Variants in NT5C3A observed in about 807,000 individuals in gnomAD.
NT5C3A encodes the protein cytosolic 5'-nucleotidase 3A.
NT5C3A carries 23 observed loss-of-function variants against 40.0 expected under a neutral mutation model. The ratio of observed to expected loss-of-function variants is 0.58; its 90% CI spans 0.41 to 0.81. NT5C3A has a LOEUF of 0.81. Among genes scored for constraint, NT5C3A ranks in the 40% least tolerant of loss-of-function variants. The pLI is 0.00. For missense variants in NT5C3A, 328 were observed against 403.0 expected, an observed-to-expected ratio of 0.81 and a Z score of 1.59; for synonymous variants, 130 against 141.4, an observed-to-expected ratio of 0.92 and a Z score of 0.57.
chr7:33,029,263 T>C (rs1786115334), intron 1 of NT5C3A: 1 of 170,608 alleles, frequency 5.9e-6, no homozygotes, highest in African/African-American at 2.4e-5. Context: ...TTTCATACAT[T>C]AACCCATTCA....
intron 5 of NT5C3A, among the ~76,000 whole-genome samples, chr7:33,020,407 T>C (rs1364152578): frequency 1.3e-5 from 2 of 152,198 alleles, no homozygotes; most frequent in African/African-American, 4.8e-5. Context: ...GTAAGCTCAT[T>C]CTCCCAGGGA....
At chr7:33,017,080 G>A (rs60482032) in intron 7 of NT5C3A, 8,420 of 200,382 alleles carry the variant, frequency 0.042, 457 homozygotes, top group African/African-American at 0.12. Context: ...CTACTCGAGA[G>A]GCTGAGGCAG....
chr7:33,014,115 G>C (rs1162449519), downstream of NT5C3A: 1 of 421,918 alleles, frequency 2.4e-6, no homozygotes, highest in Admixed American at 2.8e-5. Flanking sequence ...AGTAAAGATA[G>C]TTTTGACCAT....
In NT5C3A at chr7:33,039,555, G is replaced by GTTTTTTTTTTTT. The variant is rs776873396; in HGVS notation, c.139-12641_139-12640insAAAAAAAAAAAA. ...TACTATTTGACTTTCTTAAGCTTGG[G>GTTTTTTTTTTTT]TTTTTTGTTTTTTTTTTTTTTTAAT... On this transcript the variant is annotated intron_variant, in intron 1 of 8. Transcript: ENST00000610140. Among the ~76,000 whole-genome samples, 86 of 70,008 alleles carry GTTTTTTTTTTTT rather than the reference G, an allele frequency of 1.2e-3. 7 individuals carry two copies. Among genetic ancestry groups the GTTTTTTTTTTTT allele is most frequent in the African/African-American group, 4.3e-3 (73 of 17,026 alleles). 45.9% of individuals were successfully genotyped at this position (70,008 alleles called of 152,430 possible). A position where few individuals can be genotyped will look rare whatever the true frequency, so the allele number is the denominator to read the frequency against.
intron 1 of NT5C3A, among the ~76,000 whole-genome samples, chr7:33,054,425 A>C (rs929075962): frequency 1.1e-4 from 16 of 152,042 alleles, no homozygotes; most frequent in Admixed American, 3.3e-4. Flanking sequence ...TTTATCCTTC[A>C]AACATCACCA....
At chr7:33,025,960 T>A (rs551636977) in intron 2 of NT5C3A, among the ~76,000 whole-genome samples, 1 of 152,084 alleles carries the variant, frequency 6.6e-6, no homozygotes, top group Admixed American at 6.6e-5. Flanking sequence ...CCGAGGTGGA[T>A]GGATCACTTG....
Position 33,035,951 on chromosome 7 carries a change from CAGACTCTTGATT to C in NT5C3A, c.139-9048_139-9037del, listed in dbSNP as rs773680156. 9 of 1,613,428 alleles carry C rather than the reference CAGACTCTTGATT, an allele frequency of 5.6e-6. No individual in the cohort carries two copies. In the South Asian group the frequency reaches 9.9e-5, roughly 18 times the overall value. ...ATACCCACCATTTTCACATGTACGGCAGACTCTTGATTAGTCATTTCTTGGTTATCCAATCTT... is the reference window on the plus strand; with the variant it reads ...ATACCCACCATTTTCACATGTACGGCAGTCATTTCTTGGTTATCCAATCTT... On this transcript the variant is annotated intron_variant, in intron 1 of 8. Transcript: ENST00000610140.
At chr7:33,038,809 C>T in intron 1 of NT5C3A, 1 of 455,982 alleles carries the variant, frequency 2.2e-6, no homozygotes, top group Non-Finnish European at 4.4e-6. Context: ...ATATAAAGTT[C>T]TGGCTTACTT....
chr7:33,050,275 G>C (rs1055294947), intron 1 of NT5C3A, among the ~76,000 whole-genome samples: 5 of 152,098 alleles, frequency 3.3e-5, no homozygotes, highest in African/African-American at 1.2e-4. Context: ...AACCCAAATG[G>C]GAGTCAGTTT....
chr7:33,015,923 T>C (rs1785299454), intron 7 of NT5C3A, 53 bp from the exon 8 acceptor site: 1 of 1,251,608 alleles, frequency 8.0e-7, no homozygotes, highest in Admixed American at 1.7e-5. Context: ...ATTTGTTGGA[T>C]TTTCATATTT....
intron 2 of NT5C3A, among the ~76,000 whole-genome samples, chr7:33,024,875 C>T (rs1785833441): frequency 2.0e-5 from 3 of 152,136 alleles, no homozygotes; most frequent in African/African-American, 4.8e-5. Flanking sequence ...CACGGTGGCT[C>T]ATGCCTGGAA....
chr7:33,045,247 T>A (rs1191967344), intron 1 of NT5C3A, among the ~76,000 whole-genome samples: 1 of 152,206 alleles, frequency 6.6e-6, no homozygotes. Context: ...ATGATTTTTT[T>A]AAACATGCAA....
chr7:33,044,529 A>G (rs528991585), intron 1 of NT5C3A, among the ~76,000 whole-genome samples: 1 of 152,336 alleles, frequency 6.6e-6, no homozygotes, highest in East Asian at 1.9e-4. Context: ...ACTCATTGAC[A>G]TAGAAACAGA....
chr7:33,047,063 T>A (rs1044517461), intron 1 of NT5C3A, among the ~76,000 whole-genome samples: 2 of 151,076 alleles, frequency 1.3e-5, no homozygotes, highest in East Asian at 3.9e-4. Flanking sequence ...CACCTCAGCC[T>A]CCCGAATCTT....
At chr7:33,025,938 C>T (rs1397653442) in intron 2 of NT5C3A, among the ~76,000 whole-genome samples, 1 of 152,218 alleles carries the variant, frequency 6.6e-6, no homozygotes, top group African/African-American at 2.4e-5. Context: ...GTAATCCCAG[C>T]ACTTTGGGAG....
chr7:33,019,188 G>C (rs1022748886), intron 6 of NT5C3A, among the ~76,000 whole-genome samples: 1 of 151,896 alleles, frequency 6.6e-6, no homozygotes, highest in African/African-American at 2.4e-5. Context: ...CCAGGAGGCA[G>C]AGGTTGAACT....
At chr7:33,055,429 C>A (rs1787533396) in intron 1 of NT5C3A, among the ~76,000 whole-genome samples, 1 of 152,140 alleles carries the variant, frequency 6.6e-6, no homozygotes, top group Non-Finnish European at 1.5e-5. Context: ...AATAATATCT[C>A]ATTTTTGTTG....
chr7:33,040,853 A>C (rs1167103921), intron 1 of NT5C3A: 9 of 980,610 alleles, frequency 9.2e-6, no homozygotes, highest in Non-Finnish European at 1.1e-5. Flanking sequence ...ACTCATTTAC[A>C]TGAACCGTAC....
At chr7:33,038,169 G>A (rs1458607942) in intron 1 of NT5C3A, among the ~76,000 whole-genome samples, 4 of 151,860 alleles carry the variant, frequency 2.6e-5, no homozygotes, top group African/African-American at 9.7e-5. Context: ...AAAAGGAATA[G>A]TGTGGAGACT....
Sources: gnomAD v4.1 joint callset for allele counts (sites outside exome capture counted in the v4.1 genomes callset) on GRCh38, gnomAD v4.1.1 for gene constraint, MANE v1.5 for transcripts, NCBI Gene and HGNC (gene_info 2026-07-23, HGNC 2026-07-21) for gene names.